Variants in NCALD observed in about 807,000 individuals in gnomAD.
The protein encoded by NCALD is neurocalcin delta.
In NCALD, 10 loss-of-function variants were observed where a neutral mutation model predicts 18.6. The ratio of observed to expected loss-of-function variants is 0.54; its 90% CI spans 0.33 to 0.91. NCALD has a LOEUF of 0.91. Among genes scored for constraint, NCALD ranks in the 40% least tolerant of loss-of-function variants. The probability of loss-of-function intolerance (pLI) is 0.03; values close to 1 mark genes in which losing one functional copy is unlikely to be tolerated. For missense variants in NCALD, 184 were observed against 247.6 expected (o/e 0.74, Z 1.72); for synonymous variants, 88 against 87.4 (o/e 1.01, Z -0.04).
chr8:101,692,383 GC>G, intron 3 of NCALD: 2 of 985,376 alleles, frequency 2.0e-6, no homozygotes, highest in African/African-American at 1.7e-5. Context: ...TGGAGTGAAA[GC>G]TGTCGGCATC....
rs145918111 is a variant in NCALD, at chr8:102,118,430, T to G, written c.-210+5807A>C. Among the ~76,000 whole-genome samples the G allele has an allele frequency of 6.5e-4, 99 of 152,360 alleles. 1 individual carries two copies. The East Asian group carries it at 0.018, about 28-fold the overall frequency. ...CATTAACTTTCCTCAGTTACTGCCT[T>G]CTGAGCAGTTCATCCGCCTCCTTAT... On this transcript the variant is annotated intron_variant, in intron 1 of 6. Coordinates refer to the NCALD transcript ENST00000311028.
At chr8:101,941,734 T>C (rs1390934549) in intron 2 of NCALD, among the ~76,000 whole-genome samples, 1 of 152,116 alleles carries the variant, frequency 6.6e-6, no homozygotes, top group Non-Finnish European at 1.5e-5. Flanking sequence ...CAGGCTGACA[T>C]GGGGTATTAA....
chr8:101,806,710 CAG>C (rs2131116073), intron 4 of NCALD, among the ~76,000 whole-genome samples: 1 of 152,230 alleles, frequency 6.6e-6, no homozygotes, highest in African/African-American at 2.4e-5. Context: ...GAGACAGCCT[CAG>C]AGAATTATTG....
intron 2 of NCALD, among the ~76,000 whole-genome samples, chr8:101,715,083 G>A (rs561769933): frequency 7.9e-5 from 12 of 151,146 alleles, no homozygotes; most frequent in African/African-American, 2.2e-4. Context: ...TAACCAAAAC[G>A]GCATGGTACT....
At chr8:101,910,856 A>T (rs904746314) in intron 3 of NCALD, among the ~76,000 whole-genome samples, 1 of 152,208 alleles carries the variant, frequency 6.6e-6, no homozygotes, top group African/African-American at 2.4e-5. Flanking sequence ...ACCACAGGGC[A>T]ACGACCCTGA....
chr8:101,995,467 G>A (rs1487644543), intron 2 of NCALD, among the ~76,000 whole-genome samples: 1 of 152,160 alleles, frequency 6.6e-6, no homozygotes, highest in African/African-American at 2.4e-5. Context: ...AGTGGCATAT[G>A]CTTCTGGGGA....
intron 4 of NCALD, among the ~76,000 whole-genome samples, chr8:101,818,780 T>A (rs1277469222): frequency 6.6e-6 from 1 of 152,026 alleles, no homozygotes; most frequent in Admixed American, 6.6e-5. Flanking sequence ...CCAAGACAGG[T>A]GGATCACCTG....
intron 4 of NCALD, among the ~76,000 whole-genome samples, chr8:101,880,745 A>G (rs1440212161): frequency 6.6e-6 from 1 of 152,260 alleles, no homozygotes; most frequent in Non-Finnish European, 1.5e-5. Context: ...TGTGAAATAA[A>G]TGATTAAGAG....
chr8:101,702,086 G>A (rs1298343629), intron 2 of NCALD, among the ~76,000 whole-genome samples: 1 of 152,082 alleles, frequency 6.6e-6, no homozygotes, highest in Admixed American at 6.5e-5. Context: ...GGAGCCCCAC[G>A]CCTTTTCAAC....
intron 4 of NCALD, among the ~76,000 whole-genome samples, chr8:101,839,291 G>C (rs1453421947): frequency 6.6e-6 from 1 of 151,504 alleles, no homozygotes; most frequent in East Asian, 1.9e-4. Context: ...TAACAGAAGA[G>C]GGAAAAAAAA....
At chr8:101,754,585 A>G (rs1484189874) in intron 1 of NCALD, among the ~76,000 whole-genome samples, 1 of 152,168 alleles carries the variant, frequency 6.6e-6, no homozygotes, top group African/African-American at 2.4e-5. Context: ...CATTCATGAC[A>G]TAATCACTTC....
intron 1 of NCALD, among the ~76,000 whole-genome samples, chr8:102,101,986 T>C (rs1316172680): frequency 6.6e-6 from 1 of 152,220 alleles, no homozygotes; most frequent in African/African-American, 2.4e-5. Context: ...TGTAACTAAG[T>C]AAATGCAACT....
Position 101,784,851 on chromosome 8 carries a change from G to C in NCALD, c.-20+6011C>G, listed in dbSNP as rs146100331. Among the ~76,000 whole-genome samples, 66 of 152,076 alleles carry C rather than the reference G, an allele frequency of 4.3e-4. No individual in the cohort carries two copies. The East Asian group carries it at 0.012, about 27-fold the overall frequency. The stretch of plus-strand genomic sequence containing the variant: ...TGGATTCAATTGTAAGGCTATTTTT[G>C]AATACAATCTGCCACAACATATAAC... On this transcript the variant is annotated intron_variant, in intron 1 of 3. Transcript: ENST00000220931.
intron 2 of NCALD, among the ~76,000 whole-genome samples, chr8:101,993,313 G>T (rs1026276705): frequency 1.3e-5 from 2 of 152,002 alleles, no homozygotes; most frequent in Non-Finnish European, 2.9e-5. Flanking sequence ...CAAAGACCTT[G>T]CTGTGCCCAC....
intron 3 of NCALD, among the ~76,000 whole-genome samples, chr8:101,893,372 A>C (rs1816997326): frequency 6.6e-6 from 1 of 151,314 alleles, no homozygotes; most frequent in Admixed American, 6.6e-5. Context: ...AGCGCTAAAC[A>C]TGGAAAGGAA....
chr8:102,021,546 C>A (rs553130878), intron 1 of NCALD, among the ~76,000 whole-genome samples: 2 of 152,136 alleles, frequency 1.3e-5, no homozygotes, highest in Admixed American at 1.3e-4. Context: ...GTATTCACAT[C>A]CAGAACCACA....
At chr8:101,857,966 T>C (rs1296067822) in intron 4 of NCALD, among the ~76,000 whole-genome samples, 2 of 152,208 alleles carry the variant, frequency 1.3e-5, no homozygotes, top group Middle Eastern at 3.2e-3. Context: ...TTAGCAAGGA[T>C]GCAGAGTAAT....
intron 1 of NCALD, among the ~76,000 whole-genome samples, chr8:102,032,938 G>A (rs1280189780): frequency 6.6e-6 from 1 of 152,164 alleles, no homozygotes; most frequent in Non-Finnish European, 1.5e-5. Context: ...CCTGCGAACA[G>A]CAGGGGCCAG....
At chr8:102,034,612 G>A (rs1354937668) in intron 1 of NCALD, among the ~76,000 whole-genome samples, 2 of 152,140 alleles carry the variant, frequency 1.3e-5, no homozygotes, top group Admixed American at 1.3e-4. Flanking sequence ...GCTGTGTCAT[G>A]GGGGCACTAG....
Sources: gnomAD v4.1 joint callset for allele counts (sites outside exome capture counted in the v4.1 genomes callset) on GRCh38, gnomAD v4.1.1 for gene constraint, MANE v1.5 for transcripts, NCBI Gene and HGNC (gene_info 2026-07-23, HGNC 2026-07-21) for gene names.